The following GABRB1 variants were observed in gnomAD, a reference collection of about 807,000 sequenced individuals.
The protein encoded by GABRB1 is gamma-aminobutyric acid receptor subunit beta-1.
A neutral mutation model predicts 51.6 loss-of-function variants in GABRB1; 17 were observed. That is an observed-to-expected ratio of 0.33 (90% confidence interval 0.23 to 0.49). GABRB1 has a LOEUF of 0.49. Among genes scored for constraint, GABRB1 ranks in the 20% least tolerant of loss-of-function variants. The pLI is 0.99. For synonymous variants in GABRB1, 247 were observed against 218.9 expected (o/e 1.13, Z -1.14); for missense variants, 410 against 600.6 (o/e 0.68, Z 3.32).
At position 47,396,399 on chromosome 4, in the gene GABRB1, T is replaced by G. The variant is rs561503528; in HGVS notation, c.545-6919T>G. On this transcript the variant is annotated intron_variant, in intron 5 of 8. Transcript: ENST00000295454. ...AGTACAAATCAAGATGAGATTTGGG[T>G]GGGAACACAGAGCCAAACCATATCA... 1.8e-4 allele frequency among the ~76,000 whole-genome samples: 28 copies of G among 152,276 alleles called. No homozygotes were observed. The South Asian group carries it at 5.2e-3, about 28-fold the overall frequency.
intron 5 of GABRB1, among the ~76,000 whole-genome samples, chr4:47,334,898 G>A (rs1182520404): frequency 6.6e-6 from 1 of 152,204 alleles, no homozygotes. Context: ...ATTAAAGGCA[G>A]ATGTAAAGGA....
At chr4:47,153,299 C>A (rs1717546307) in intron 3 of GABRB1, among the ~76,000 whole-genome samples, 1 of 151,960 alleles carries the variant, frequency 6.6e-6, no homozygotes, top group African/African-American at 2.4e-5. Context: ...TTGGAAGTTT[C>A]TAGAAAACTT....
intron 3 of GABRB1, among the ~76,000 whole-genome samples, chr4:47,132,044 T>A (rs1716439289): frequency 6.6e-6 from 1 of 152,286 alleles, no homozygotes; most frequent in African/African-American, 2.4e-5. Flanking sequence ...AACAGTTTTA[T>A]TTGCTGTGAT....
intron 4 of GABRB1, among the ~76,000 whole-genome samples, chr4:47,171,911 A>G (rs1269599405): frequency 6.6e-6 from 1 of 152,150 alleles, no homozygotes; most frequent in African/African-American, 2.4e-5. Flanking sequence ...ATAGTCATCC[A>G]GAAGCCACCA....
At chr4:47,071,435 T>C (rs1408278594) in intron 3 of GABRB1, among the ~76,000 whole-genome samples, 1 of 152,084 alleles carries the variant, frequency 6.6e-6, no homozygotes, top group Non-Finnish European at 1.5e-5. Flanking sequence ...TCCTCCCTAC[T>C]TTCCTGATTC....
chr4:47,371,192 G>GT (rs1727179861), intron 5 of GABRB1, among the ~76,000 whole-genome samples: 1 of 150,892 alleles, frequency 6.6e-6, no homozygotes, highest in East Asian at 2.0e-4. Context: ...GTGGTGTTTG[G>GT]TTTTCTGTTC....
intron 5 of GABRB1, among the ~76,000 whole-genome samples, chr4:47,329,262 T>C (rs1343357130): frequency 6.6e-6 from 1 of 151,986 alleles, no homozygotes; most frequent in Non-Finnish European, 1.5e-5. Flanking sequence ...TAACGTGCTA[T>C]CATATAGCAG....
At chr4:47,224,509 G>A (rs956789639) in intron 4 of GABRB1, among the ~76,000 whole-genome samples, 1 of 151,962 alleles carries the variant, frequency 6.6e-6, no homozygotes, top group Non-Finnish European at 1.5e-5. Flanking sequence ...ACAGGTAGAA[G>A]GATTCTTGCT....
intron 4 of GABRB1, among the ~76,000 whole-genome samples, chr4:47,308,802 T>G (rs552594554): frequency 2.0e-5 from 3 of 152,124 alleles, no homozygotes; most frequent in Non-Finnish European, 4.4e-5. Flanking sequence ...AACATTTTCT[T>G]TGGCTTCTAT....
chr4:47,221,431 T>C (rs563605419), intron 4 of GABRB1, among the ~76,000 whole-genome samples: 131 of 152,186 alleles, frequency 8.6e-4, no homozygotes, highest in Non-Finnish European at 1.7e-3. Flanking sequence ...CAAATGGAAT[T>C]GTTACTGAAC....
intron 5 of GABRB1, among the ~76,000 whole-genome samples, chr4:47,356,034 A>G (rs766139057): frequency 1.5e-4 from 23 of 152,228 alleles, no homozygotes; most frequent in South Asian, 6.2e-4. Flanking sequence ...GAATATGGCA[A>G]TCATTAACAG....
At chr4:47,045,948 T>C (rs1054859663) in intron 3 of GABRB1, among the ~76,000 whole-genome samples, 5 of 152,054 alleles carry the variant, frequency 3.3e-5, no homozygotes, top group Non-Finnish European at 7.4e-5. Context: ...TTACCTTGAA[T>C]TTTAGTTCCC....
chr4:47,282,749 T>C (rs568052980), intron 4 of GABRB1, among the ~76,000 whole-genome samples: 5 of 152,368 alleles, frequency 3.3e-5, no homozygotes, highest in Non-Finnish European at 5.9e-5. Flanking sequence ...ATAACTCTTA[T>C]GCCAGTATAA....
intron 5 of GABRB1, among the ~76,000 whole-genome samples, chr4:47,361,622 A>G (rs1560351602): frequency 6.6e-6 from 1 of 152,168 alleles, no homozygotes. Flanking sequence ...GTTCAGTAGC[A>G]TCTGCCAAAT....
chr4:47,337,487 T>G (rs974185187), intron 5 of GABRB1, among the ~76,000 whole-genome samples: 1 of 151,940 alleles, frequency 6.6e-6, no homozygotes, highest in African/African-American at 2.4e-5. Context: ...CATGGAGGGC[T>G]AAGAACTGAA....
chr4:47,325,826 T>C (rs1725238952), intron 5 of GABRB1, among the ~76,000 whole-genome samples: 1 of 152,184 alleles, frequency 6.6e-6, no homozygotes, highest in Admixed American at 6.6e-5. Flanking sequence ...TCTTTTTTAG[T>C]TTCCCATTGC....
At chr4:47,162,173 C>G (rs1717985489) in intron 4 of GABRB1, among the ~76,000 whole-genome samples, 1 of 152,054 alleles carries the variant, frequency 6.6e-6, no homozygotes, top group African/African-American at 2.4e-5. Context: ...ACTAACAGTT[C>G]CCTTGAGTCT....
At chr4:47,367,518 A>G (rs993573910) in intron 5 of GABRB1, among the ~76,000 whole-genome samples, 6 of 152,214 alleles carry the variant, frequency 3.9e-5, no homozygotes, top group Non-Finnish European at 8.8e-5. Context: ...TACCCCAAAA[A>G]GAAAAATGCT....
At chr4:47,241,917 A>G (rs1242331526) in intron 4 of GABRB1, among the ~76,000 whole-genome samples, 2 of 152,056 alleles carry the variant, frequency 1.3e-5, no homozygotes, top group Non-Finnish European at 2.9e-5. Context: ...TTTAAGTTCT[A>G]GGATACATGT....
Sources: allele counts gnomAD v4.1 joint callset (sites outside exome capture counted in the v4.1 genomes callset), GRCh38; gene constraint gnomAD v4.1.1; transcripts MANE v1.5; gene names NCBI Gene and HGNC (gene_info 2026-07-23, HGNC 2026-07-21).